Variants in L3MBTL4 observed in about 807,000 individuals in gnomAD.
L3MBTL4 encodes the protein L3MBTL histone methyl-lysine binding protein 4.
In L3MBTL4, 70 loss-of-function variants were observed where a neutral mutation model predicts 84.5. That is an observed-to-expected ratio of 0.83 (90% CI 0.68 to 1.01). L3MBTL4 has a LOEUF of 1.01. Ranked by LOEUF, L3MBTL4 falls within the 50% of genes least tolerant of loss-of-function variation. L3MBTL4 has a pLI of 0.00. For synonymous variants in L3MBTL4, 274 were observed against 259.8 expected (o/e 1.05, Z -0.52); for missense variants, 715 against 754.8 (o/e 0.95, Z 0.62).
intron 16 of L3MBTL4, chr18:6,031,194 T>C (rs1321441175): frequency 1.0e-6 from 1 of 985,330 alleles, no homozygotes; most frequent in Non-Finnish European, 1.2e-6. Context: ...GGGAGTAGAA[T>C]GATCATTGAG....
chr18:6,080,851 T>C, intron 16 of L3MBTL4, 30 bp downstream of exon 16: 1 of 1,459,028 alleles, frequency 6.9e-7, no homozygotes, highest in Non-Finnish European at 9.5e-7. Context: ...AAAAGTATAT[T>C]CTGTGTTTTG....
At chr18:6,383,546 T>G (rs2054687427) in intron 1 of L3MBTL4, among the ~76,000 whole-genome samples, 1 of 152,098 alleles carries the variant, frequency 6.6e-6, no homozygotes. Flanking sequence ...CCTCATGGCT[T>G]CCCTTGGGTA....
At chr18:6,082,170 T>C (rs969920069) in intron 15 of L3MBTL4, among the ~76,000 whole-genome samples, 1 of 152,132 alleles carries the variant, frequency 6.6e-6, no homozygotes, top group Non-Finnish European at 1.5e-5. Flanking sequence ...TCAGAGCAAC[T>C]AGTGAAATAG....
At chr18:6,176,856 A>G (rs990896650) in intron 12 of L3MBTL4, among the ~76,000 whole-genome samples, 6 of 152,198 alleles carry the variant, frequency 3.9e-5, no homozygotes, top group Non-Finnish European at 8.8e-5. Context: ...ACATTTTGGA[A>G]AAAAAATTCA....
rs547430754 is a variant in L3MBTL4, at chr18:5,956,235, T to G, written c.1830A>C (p.Gln610His). The G allele has an allele frequency of 1.2e-6, 2 of 1,613,554 alleles. No individual in the cohort carries two copies. The highest frequency in any genetic ancestry group is 2.2e-5 in the East Asian group (1 of 44,882). ...GGGAGCCCATTCATCCCCTGACTTCTTGGCCTGAGGCAATATCTTCTTCAG... is the reference window on the plus strand; with the variant it reads ...GGGAGCCCATTCATCCCCTGACTTCGTGGCCTGAGGCAATATCTTCTTCAG... ...ELPEEDIASG[Q>H]EVRG The change falls in exon 19 of 19, where the codon CAA (glutamine) becomes CAC (histidine). Residue 610 changes from glutamine (Q) to histidine (H), a missense_variant. Coordinates refer to ENST00000317931, the MANE Select transcript of L3MBTL4 (RefSeq NM_001330559.2).
chr18:6,085,771 GT>G (rs2058238445), intron 15 of L3MBTL4, among the ~76,000 whole-genome samples: 1 of 152,166 alleles, frequency 6.6e-6, no homozygotes, highest in Non-Finnish European at 1.5e-5. Flanking sequence ...GTCTCAGGCA[GT>G]TTTTTATAAC....
chr18:6,184,569 T>C (rs2044632819), intron 12 of L3MBTL4, among the ~76,000 whole-genome samples: 1 of 152,212 alleles, frequency 6.6e-6, no homozygotes, highest in South Asian at 2.1e-4. Context: ...AAATATGACA[T>C]TCTATAACAT....
chr18:6,105,335 A>C (rs117882514), intron 14 of L3MBTL4, among the ~76,000 whole-genome samples: 3,511 of 151,696 alleles, frequency 0.023, 46 homozygotes, highest in Non-Finnish European at 0.037. Context: ...GATTACAGGC[A>C]CATGCCACCA....
chr18:6,298,925 C>CA (rs1599539135), intron 4 of L3MBTL4, among the ~76,000 whole-genome samples: 1 of 152,142 alleles, frequency 6.6e-6, no homozygotes, highest in East Asian at 1.9e-4. Flanking sequence ...AACACTCAAC[C>CA]AAACAAATAC....
chr18:6,087,517 G>A (rs1402032203), intron 15 of L3MBTL4, among the ~76,000 whole-genome samples: 3 of 152,140 alleles, frequency 2.0e-5, no homozygotes, highest in African/African-American at 4.8e-5. Context: ...GGAGCTGGAG[G>A]GGGGCTGCTC....
chr18:6,411,462 C>T lies in L3MBTL4; in HGVS notation c.-91+3339G>A, dbSNP rs535216504. Among the ~76,000 whole-genome samples, 39 of 152,338 alleles carry T rather than the reference C, an allele frequency of 2.6e-4. No individual in the cohort carries two copies. In the South Asian group the frequency reaches 3.5e-3, roughly 14 times the overall value. On this transcript the variant is annotated intron_variant, in intron 1 of 18. Coordinates refer to ENST00000317931, the MANE Select transcript of L3MBTL4 (RefSeq NM_001330559.2). The stretch of plus-strand genomic sequence containing the variant: ...ACCCACAGCTTGCACTGATGTGTTA[C>T]CACTGAGATCACCTCTTTTTAGCCA...
At chr18:6,226,193 C>T (rs527794695) in intron 10 of L3MBTL4, among the ~76,000 whole-genome samples, 10 of 152,164 alleles carry the variant, frequency 6.6e-5, no homozygotes, top group East Asian at 3.9e-4. Context: ...GATTACTTGA[C>T]GTCAGGAGTT....
intron 7 of L3MBTL4, among the ~76,000 whole-genome samples, chr18:6,241,944 T>A (rs1010030428): frequency 2.0e-5 from 3 of 152,150 alleles, no homozygotes; most frequent in South Asian, 2.1e-4. Context: ...CAGAAACGCC[T>A]TCTCAATCCA....
At chr18:6,111,407 A>T (rs948923075) in intron 14 of L3MBTL4, among the ~76,000 whole-genome samples, 7 of 152,180 alleles carry the variant, frequency 4.6e-5, no homozygotes, top group Non-Finnish European at 1.0e-4. Flanking sequence ...TAAAACAATT[A>T]TTATTATTTT....
rs2052837639 is a variant in L3MBTL4, at chr18:5,974,982, T to TA, written c.1445-5421_1445-5420insT. Among the ~76,000 whole-genome samples, 55 of 151,038 alleles carry TA rather than the reference T, an allele frequency of 3.6e-4. 1 individual carries two copies. Among genetic ancestry groups the TA allele is most frequent in the East Asian group, 9.7e-4 (5 of 5,140 alleles). ...GTCTCTATTGTTTTGTTTTTTTTTTTTAAAAAGAGGAAGAATATTTTTTAG... is the reference window on the plus strand; with the variant it reads ...GTCTCTATTGTTTTGTTTTTTTTTTTATAAAAAGAGGAAGAATATTTTTTAG... On this transcript the variant is annotated intron_variant, in intron 16 of 18. Coordinates refer to ENST00000317931, the MANE Select transcript of L3MBTL4 (RefSeq NM_001330559.2).
chr18:6,008,964 G>A (rs933251917), intron 16 of L3MBTL4, among the ~76,000 whole-genome samples: 1 of 152,156 alleles, frequency 6.6e-6, no homozygotes, highest in Non-Finnish European at 1.5e-5. Context: ...ACTCTCAGTG[G>A]GATGGGAATT....
chr18:6,144,196 C>CAAAAAAAAAAAAAAAA (rs35746580), intron 13 of L3MBTL4, among the ~76,000 whole-genome samples: 1 of 58,058 alleles, frequency 1.7e-5, no homozygotes, highest in African/African-American at 6.1e-5. Context: ...ACTCCATCTC[C>CAAAAAAAAAAAAAAAA]AAAAAAAAAA....
intron 16 of L3MBTL4, among the ~76,000 whole-genome samples, chr18:6,064,883 T>C (rs1344285706): frequency 6.6e-6 from 1 of 152,064 alleles, no homozygotes; most frequent in Non-Finnish European, 1.5e-5. Flanking sequence ...CTTCCAGTAT[T>C]ATGTTGAATA....
At chr18:6,073,919 T>C (rs553652247) in intron 16 of L3MBTL4, among the ~76,000 whole-genome samples, 14 of 152,346 alleles carry the variant, frequency 9.2e-5, no homozygotes, top group African/African-American at 3.4e-4. Flanking sequence ...TTTTGTCATA[T>C]AGCTGTGAAT....
Sources: allele counts gnomAD v4.1 joint callset (sites outside exome capture counted in the v4.1 genomes callset), GRCh38; gene constraint gnomAD v4.1.1; transcripts MANE v1.5; gene names NCBI Gene and HGNC (gene_info 2026-07-23, HGNC 2026-07-21).